The following FAXDC2 variants were observed in gnomAD, a reference collection of about 807,000 sequenced individuals.
FAXDC2 encodes the protein fatty acid hydroxylase domain containing 2, also known as fatty acid hydroxylase domain-containing protein 2.
Under a neutral mutation model 40.9 loss-of-function variants are expected in FAXDC2, and 41 were observed. That is an observed-to-expected ratio of 1.00 (90% CI 0.78 to 1.30). The LOEUF is 1.30. Among genes scored for constraint, FAXDC2 ranks in the 50% most tolerant of loss-of-function variants. The pLI is 0.00. For synonymous variants in FAXDC2, 157 were observed against 149.3 expected (o/e 1.05, Z -0.38); for missense variants, 390 against 408.8 (o/e 0.95, Z 0.40).
At chr5:154,834,483 G>T in intron 4 of FAXDC2, 142 bp downstream of exon 4, 1 of 636,846 alleles carries the variant, frequency 1.6e-6, no homozygotes, top group Non-Finnish European at 2.7e-6. Context: ...TATTCTTTGG[G>T]ACTACCACTT....
At chr5:154,839,128 C>T (rs1429715839) in intron 1 of FAXDC2, among the ~76,000 whole-genome samples, 1 of 151,836 alleles carries the variant, frequency 6.6e-6, no homozygotes, top group Admixed American at 6.6e-5. Context: ...GAGTTCAAGA[C>T]CAGCCTGGCC....
At chr5:154,830,624 C>T in intron 5 of FAXDC2, 177 bp downstream of exon 5, 1 of 620,442 alleles carries the variant, frequency 1.6e-6, no homozygotes. Context: ...AGCTGAGTGA[C>T]TCTGAGGTTG....
chr5:154,838,280 G>GAAAA, intron 1 of FAXDC2, 102 bp from the exon 2 acceptor site: 3 of 770,390 alleles, frequency 3.9e-6, no homozygotes, highest in African/African-American at 3.9e-5. Flanking sequence ...AGTGATTTTT[G>GAAAA]AAAAAAAAAA....
Position 154,834,747 on chromosome 5 carries a change from T to G in FAXDC2, c.141-19A>C, listed in dbSNP as rs781224095. On this transcript the variant is annotated intron_variant, in intron 3 of 8. Transcript: ENST00000326080. The stretch of plus-strand genomic sequence containing the variant: ...AAGATGCCTTGGAAAAAAAACCAGG[T>G]TTCTGGGTGAAGACTAGTGGGTGGA... The G allele has an allele frequency of 6.2e-7, 1 of 1,611,824 alleles. No individual in the cohort carries two copies. Among genetic ancestry groups the G allele is most frequent in the South Asian group, 1.1e-5 (1 of 90,946 alleles).
At chr5:154,846,763 TTTTA>T (rs1400983661) in intron 1 of FAXDC2, among the ~76,000 whole-genome samples, 2 of 152,108 alleles carry the variant, frequency 1.3e-5, no homozygotes, top group Admixed American at 6.5e-5. Flanking sequence ...TTTATCCAAA[TTTTA>T]TTTATTTATT....
chr5:154,838,866 G>A (rs1305079460), intron 1 of FAXDC2: 1 of 152,280 alleles, frequency 6.6e-6, no homozygotes, highest in Non-Finnish European at 1.5e-5. Flanking sequence ...CAAAGTGCTG[G>A]TTTGTTCTTT....
Position 154,822,392 on chromosome 5 carries a change from T to C in FAXDC2, c.678+80A>G, listed in dbSNP as rs569557782. The C allele has an allele frequency of 8.1e-5, 78 of 967,842 alleles. No individual in the cohort carries two copies. The Middle Eastern group carries it at 1.6e-3, about 20-fold the overall frequency. 60.0% of individuals were successfully genotyped at this position (967,842 alleles called of 1,614,324 possible). ...GGGAAGAAAAAGGGCCGGTGTGGTC[T>C]AAGTTCTCTGCAGGAGACCTTCAGG... On this transcript the variant is annotated intron_variant, in intron 7 of 8. Coordinates refer to ENST00000326080, the MANE Select transcript of FAXDC2 (RefSeq NM_032385.5).
At chr5:154,822,320 A>C in intron 7 of FAXDC2, 152 bp downstream of exon 7, 1 of 656,162 alleles carries the variant, frequency 1.5e-6, no homozygotes, top group Non-Finnish European at 2.7e-6. Flanking sequence ...CACTTAACAT[A>C]GCCTGGCATA....
rs186663669 is a variant in FAXDC2 at position 154,843,071 on chromosome 5, G to A, written c.1-4893C>T. ...TCTGCAAACCATTTGAAAACAGGCA[G>A]AGCCTTCACGTTAGTGTGGATTTCC... On this transcript the variant is annotated intron_variant, in intron 1 of 8. Transcript: ENST00000326080. Among the ~76,000 whole-genome samples the A allele has an allele frequency of 1.1e-4, 16 of 152,308 alleles. No homozygotes were observed. In the East Asian group the frequency reaches 2.5e-3, roughly 24 times the overall value.
rs1182405614 is a variant in FAXDC2, at chr5:154,819,303, G to GT, written c.*1012dup. On this transcript the variant is annotated 3_prime_UTR_variant, in exon 9 of 9. Coordinates refer to ENST00000326080, the MANE Select transcript of FAXDC2 (RefSeq NM_032385.5). Reference sequence around the variant, plus strand: ...GGGGACTTCAACCCAAGCAGCTGTGGTTTTGCCTTTGATAAGGTTCCTGGT... The same window carrying GT: ...GGGGACTTCAACCCAAGCAGCTGTGGTTTTTGCCTTTGATAAGGTTCCTGGT... 6.6e-6 allele frequency: 1 copy of GT among 152,210 alleles called. No homozygotes were observed. The highest frequency in any genetic ancestry group is 1.9e-4 in the East Asian group (1 of 5,200). 9.4% of individuals were successfully genotyped at this position (152,210 alleles called of 1,614,324 possible).
At position 154,844,935 on chromosome 5, in the gene FAXDC2, C is replaced by T. The variant is rs544964677; in HGVS notation, c.-1+5548G>A. On this transcript the variant is annotated intron_variant, in intron 1 of 8. Transcript: ENST00000326080. Reference sequence around the variant, plus strand: ...TTTGACACTGGACTCCTCTGCTCTACGTACACCTTCTGGCCAAAGGGAAAA... The same window carrying T: ...TTTGACACTGGACTCCTCTGCTCTATGTACACCTTCTGGCCAAAGGGAAAA... Among the ~76,000 whole-genome samples, 7 of 152,256 alleles carry T rather than the reference C, an allele frequency of 4.6e-5. No individual in the cohort carries two copies. In the East Asian group the frequency reaches 1.2e-3, roughly 25 times the overall value.
chr5:154,825,667 A>AAAAAAAAAAAAAAAAAAAAAAAC (rs1760013375), intron 5 of FAXDC2, among the ~76,000 whole-genome samples: 1 of 147,920 alleles, frequency 6.8e-6, no homozygotes, highest in Admixed American at 6.7e-5. Flanking sequence ...AAAAAAAAAA[A>AAAAAAAAAAAAAAAAAAAAAAAC]AGCAGTAATA....
At chr5:154,843,530 T>A (rs1416670555) in intron 1 of FAXDC2, among the ~76,000 whole-genome samples, 1 of 152,226 alleles carries the variant, frequency 6.6e-6, no homozygotes, top group South Asian at 2.1e-4. Flanking sequence ...ACTAGACAGG[T>A]AGGAGATCTG....
At chr5:154,843,714 T>TA (rs1375057296) in intron 1 of FAXDC2, among the ~76,000 whole-genome samples, 61 of 152,294 alleles carry the variant, frequency 4.0e-4, no homozygotes, top group African/African-American at 1.3e-3. Context: ...GAGAAAAAAA[T>TA]ATTTAACAGT....
chr5:154,832,275 G>A (rs1025545723), intron 4 of FAXDC2, among the ~76,000 whole-genome samples: 2 of 150,760 alleles, frequency 1.3e-5, no homozygotes, highest in South Asian at 2.1e-4. Flanking sequence ...GTGCAGTGGC[G>A]TGAGCTCAGC....
chr5:154,840,289 C>G (rs970328019), intron 1 of FAXDC2, among the ~76,000 whole-genome samples: 3 of 152,088 alleles, frequency 2.0e-5, no homozygotes, highest in Non-Finnish European at 4.4e-5. Context: ...AGACGGGGGT[C>G]TTGAACTCCT....
At chr5:154,831,744 T>A (rs1760198113) in intron 4 of FAXDC2, among the ~76,000 whole-genome samples, 1 of 152,062 alleles carries the variant, frequency 6.6e-6, no homozygotes, top group African/African-American at 2.4e-5. Context: ...GTAGGATTGG[T>A]ACAAACCTTC....
At chr5:154,832,191 T>G (rs1052236619) in intron 4 of FAXDC2, among the ~76,000 whole-genome samples, 1 of 151,802 alleles carries the variant, frequency 6.6e-6, no homozygotes, top group Non-Finnish European at 1.5e-5. Context: ...TTTTTATTTT[T>G]AACAATGAGC....
intron 4 of FAXDC2, among the ~76,000 whole-genome samples, chr5:154,832,061 T>G (rs1040604487): frequency 6.6e-6 from 1 of 152,228 alleles, no homozygotes. Flanking sequence ...TGGTATCTCA[T>G]AAGTACAACT....
Sources: allele counts gnomAD v4.1 joint callset (sites outside exome capture counted in the v4.1 genomes callset), GRCh38; gene constraint gnomAD v4.1.1; transcripts MANE v1.5; gene names NCBI Gene and HGNC (gene_info 2026-07-23, HGNC 2026-07-21).